Variants in CHST6 observed in about 807,000 individuals in gnomAD.
The protein encoded by CHST6 is carbohydrate sulfotransferase 6.
For synonymous variants in CHST6, 309 were observed against 276.4 expected (o/e 1.12, Z -1.17); for missense variants, 698 against 586.2 (o/e 1.19, Z -1.97).
chr16:75,481,725 G>T (rs1317930392), intron 2 of CHST6, 92 bp downstream of exon 2: 3 of 430,146 alleles, frequency 7.0e-6, no homozygotes, highest in Non-Finnish European at 9.6e-6. Flanking sequence ...CTGTGGGTTT[G>T]CAAGGAGACC....
chr16:75,479,919 A>AG, intron 2 of CHST6, 75 bp from the exon 3 acceptor site: 4 of 1,309,956 alleles, frequency 3.1e-6, no homozygotes, highest in Non-Finnish European at 4.2e-6. Flanking sequence ...CAGTGCCCGC[A>AG]GGGGGCAGAT....
intron 2 of CHST6, among the ~76,000 whole-genome samples, chr16:75,480,629 T>C (rs2080130294): frequency 6.6e-6 from 1 of 152,014 alleles, no homozygotes; most frequent in Non-Finnish European, 1.5e-5. Flanking sequence ...CTTTTCTTAT[T>C]GAAAATAAGC....
Position 75,479,766 on chromosome 16 carries a change from G to A in CHST6, c.63C>T (p.Leu21=), listed in dbSNP as rs1363023147. ...CTGGCCGGGAAACCAGAAAGAGGAGGAGGAAGGTCTGCGCCAGGAGGAGCG... is the reference window on the plus strand; with the variant it reads ...CTGGCCGGGAAACCAGAAAGAGGAGAAGGAAGGTCTGCGCCAGGAGGAGCG... ...VTALLLAQTF[L]LLFLVSRPGP... Residue 21 remains leucine (L), a synonymous_variant, in exon 3 of 3, where the codon CTC becomes CTT. Coordinates refer to ENST00000332272, the MANE Select transcript of CHST6 (RefSeq NM_021615.5). 1.1e-5 allele frequency: 17 copies of A among 1,599,586 alleles called. No individual in the cohort carries two copies. Among genetic ancestry groups the A allele is most frequent in the Non-Finnish European group, 1.4e-5 (17 of 1,174,072 alleles).
intron 1 of CHST6, among the ~76,000 whole-genome samples, chr16:75,487,750 G>T (rs1270575570): frequency 6.9e-6 from 1 of 145,582 alleles, no homozygotes; most frequent in Non-Finnish European, 1.5e-5. Flanking sequence ...AGTGAGCTGA[G>T]ATCGTGCCAC....
In CHST6 at chr16:75,495,104, G is replaced by C. The variant is rs972929353; in HGVS notation, c.-256C>G. 1 of 152,354 alleles carries C rather than the reference G, an allele frequency of 6.6e-6. No homozygotes were observed. Among genetic ancestry groups the C allele is most frequent in the Non-Finnish European group, 1.5e-5 (1 of 68,150 alleles). 9.4% of individuals were successfully genotyped at this position (152,354 alleles called of 1,614,324 possible). ...CGCAGGGGCTGACTTGCTCCTTAAGGTCCCAAGACTATTAAGCGACACCCG... is the reference window on the plus strand; with the variant it reads ...CGCAGGGGCTGACTTGCTCCTTAAGCTCCCAAGACTATTAAGCGACACCCG... On this transcript the variant is annotated 5_prime_UTR_variant, in exon 1 of 3. Transcript: ENST00000332272.
rs371589416 is a variant in CHST6, at chr16:75,478,715, G to A, written c.1114C>T (p.Leu372Phe). 77 of 1,613,502 alleles carry A rather than the reference G, an allele frequency of 4.8e-5. No individual in the cohort carries two copies. The highest frequency in any genetic ancestry group is 6.7e-5 in the African/African-American group (5 of 74,958). Reference sequence around the variant, plus strand: ...AGGCCTCGTGGCAGCACCAGATCAAGGGCGAGGTTGCGCTGCTCGTCCTCA... The same window carrying A: ...AGGCCTCGTGGCAGCACCAGATCAAAGGCGAGGTTGCGCTGCTCGTCCTCA... The part of the protein sequence containing the change: ...YSEDEQRNLA[L>F]DLVLPRGLNG... The change falls in exon 3 of 3, where the codon CTT becomes TTT. Residue 372 changes from leucine (L) to phenylalanine (F), a missense_variant. By Grantham distance (22) the Leu-to-Phe change is conservative. Transcript: ENST00000332272.
intron 1 of CHST6, among the ~76,000 whole-genome samples, chr16:75,493,793 G>A (rs1467115038): frequency 6.6e-6 from 1 of 152,124 alleles, no homozygotes. Context: ...GCACAGACAG[G>A]GTCCCCACAA....
Position 75,479,612 on chromosome 16 carries a change from C to G in CHST6, c.217G>C (p.Ala73Pro). 6.2e-7 allele frequency: 1 copy of G among 1,612,898 alleles called. No homozygotes were observed. The highest frequency in any genetic ancestry group is 8.5e-7 in the Non-Finnish European group (1 of 1,179,860). ...GACAGGGTGGTCCACACGTGCCACG[C>G]GGGCTCCATTAGGTAGAAGACGTCG... ...HPDVFYLMEP[A>P]WHVWTTLSQG... Residue 73 changes from alanine (A) to proline (P), a missense_variant, in exon 3 of 3, where the codon GCG becomes CCG. Physicochemically the swap from Ala to Pro is conservative, Grantham distance 27. Coordinates refer to ENST00000332272, the MANE Select transcript of CHST6 (RefSeq NM_021615.5).
chr16:75,488,336 G>A (rs1430933095), intron 1 of CHST6, among the ~76,000 whole-genome samples: 1 of 152,024 alleles, frequency 6.6e-6, no homozygotes, highest in East Asian at 1.9e-4. Context: ...GGTGGCAGGT[G>A]CCTATTTGTA....
rs2080103579 is a variant in CHST6 at position 75,479,098 on chromosome 16, TCGCGCACCA to T, written c.722_730del (p.Val241_Arg243del). On this transcript the variant is annotated inframe_deletion, in exon 3 of 3. Coordinates refer to ENST00000332272, the MANE Select transcript of CHST6 (RefSeq NM_021615.5). The stretch of plus-strand genomic sequence containing the variant: ...GATGCGTACGTGGCTACGGCACACC[TCGCGCACCA>T]CGCGCAGGCCGGGGTCGGCCTCCAC... The T allele has an allele frequency of 6.2e-7, 1 of 1,605,056 alleles. No homozygotes were observed. The highest frequency in any genetic ancestry group is 8.5e-7 in the Non-Finnish European group (1 of 1,178,792).
At chr16:75,494,155 G>A (rs763252557) in intron 1 of CHST6, among the ~76,000 whole-genome samples, 8 of 152,144 alleles carry the variant, frequency 5.3e-5, no homozygotes, top group African/African-American at 1.9e-4. Flanking sequence ...TTAGAAGCTT[G>A]GCTTCTGAAG....
chr16:75,491,190 A>AATAT lies in CHST6; in HGVS notation c.-92+3746_-92+3749dup, dbSNP rs1555501738. On this transcript the variant is annotated intron_variant, in intron 1 of 2. Transcript: ENST00000332272. The stretch of plus-strand genomic sequence containing the variant: ...TAAAAAAAAAAAAAAAAAAAAAAAA[A>AATAT]ATATATATATATATATATATATATA... Among the ~76,000 whole-genome samples the AATAT allele has an allele frequency of 7.1e-3, 353 of 49,994 alleles. 3 individuals carry two copies. The highest frequency in any genetic ancestry group is 0.021 in the East Asian group (14 of 664). The allele number at this position is 49,994 out of a possible 152,430, so 32.8% of individuals were successfully genotyped here. A position where few individuals can be genotyped will look rare whatever the true frequency, so the allele number is the denominator to read the frequency against.
intron 1 of CHST6, among the ~76,000 whole-genome samples, chr16:75,490,424 G>A (rs1457909864): frequency 6.6e-6 from 1 of 152,088 alleles, no homozygotes; most frequent in Non-Finnish European, 1.5e-5. Flanking sequence ...GTTGTGGTGA[G>A]CCGAGATCGC....
intron 1 of CHST6, among the ~76,000 whole-genome samples, chr16:75,493,305 T>C (rs2080275821): frequency 6.6e-6 from 1 of 151,954 alleles, no homozygotes; most frequent in Admixed American, 6.6e-5. Flanking sequence ...GGTCAGGAGT[T>C]TGAGACCAGC....
chr16:75,479,029 C>T lies in CHST6; in HGVS notation c.800G>A (p.Arg267His), dbSNP rs1312118035. ...GTCCTCGAAGCGCACCAGGCGGTAGCGGCCGCGCAGAAAGGGTGGCGGCTT... is the reference window on the plus strand; with the variant it reads ...GTCCTCGAAGCGCACCAGGCGGTAGTGGCCGCGCAGAAAGGGTGGCGGCTT... Reference protein sequence around the residue: ...TLKPPPFLRGRYRLVRFEDLA... With the variant: ...TLKPPPFLRGHYRLVRFEDLA... The change falls in exon 3 of 3, where the codon CGC (arginine) becomes CAC (histidine). Residue 267 changes from arginine to histidine, a missense_variant. By Grantham distance (29) the Arg-to-His change is conservative (BLOSUM62 0). Transcript: ENST00000332272. The T allele has an allele frequency of 5.6e-6, 9 of 1,609,796 alleles. No homozygotes were observed. Among genetic ancestry groups the T allele is most frequent in the African/African-American group, 1.3e-5 (1 of 74,932 alleles).
At position 75,474,281 on chromosome 16, in the gene CHST6, T is replaced by C. The variant is rs1451487566; in HGVS notation, c.*4360A>G. On this transcript the variant is annotated 3_prime_UTR_variant, in exon 3 of 3. Transcript: ENST00000332272. ...TGCTATAACAATACCACAGATGGGG[T>C]CATTTATTTAGAGATAGGTGTCTTG... is the stretch of plus-strand genomic sequence containing the variant. 2.8e-5 allele frequency: 8 copies of C among 286,494 alleles called. No homozygotes were observed. The highest frequency in any genetic ancestry group is 4.5e-5 in the Non-Finnish European group (7 of 155,676). The allele number at this position is 286,494 out of a possible 1,614,324, so 17.7% of individuals were successfully genotyped here.
intron 1 of CHST6, among the ~76,000 whole-genome samples, chr16:75,489,251 T>C (rs2080232295): frequency 6.6e-6 from 1 of 151,386 alleles, no homozygotes; most frequent in South Asian, 2.1e-4. Flanking sequence ...ATACAAAAAT[T>C]AGCTAGGCGT....
At position 75,479,025 on chromosome 16, in the gene CHST6, G is replaced by A; in HGVS notation, c.804C>T (p.Tyr268=). 1.9e-6 allele frequency: 3 copies of A among 1,610,392 alleles called. No individual in the cohort carries two copies. The highest frequency in any genetic ancestry group is 2.5e-6 in the Non-Finnish European group (3 of 1,179,836). ...LKPPPFLRGR[Y]RLVRFEDLAR... ...CCAGGTCCTCGAAGCGCACCAGGCG[G>A]TAGCGGCCGCGCAGAAAGGGTGGCG... Residue 268 remains tyrosine (Y), a synonymous_variant, in exon 3 of 3, where the codon TAC becomes TAT. Coordinates refer to ENST00000332272, the MANE Select transcript of CHST6 (RefSeq NM_021615.5).
In CHST6 at chr16:75,478,521, G is replaced by T. The variant is rs1488978824; in HGVS notation, c.*120C>A. 5.2e-6 allele frequency: 5 copies of T among 969,584 alleles called. No individual in the cohort carries two copies. Among genetic ancestry groups the T allele is most frequent in the Non-Finnish European group, 8.2e-6 (5 of 609,836 alleles). The allele number at this position is 969,584 out of a possible 1,614,324, so 60.1% of individuals were successfully genotyped here. A position where few individuals can be genotyped will look rare whatever the true frequency, so the allele number is the denominator to read the frequency against. On this transcript the variant is annotated 3_prime_UTR_variant, in exon 3 of 3. Transcript: ENST00000332272. ...CAGTCCTTGCCTACTTGGGGAGGGG[G>T]AGGGGTCGTACCACAAACTCCTTGG...
Sources: allele counts gnomAD v4.1 joint callset (sites outside exome capture counted in the v4.1 genomes callset), GRCh38; gene constraint gnomAD v4.1.1; transcripts MANE v1.5; gene names NCBI Gene and HGNC (gene_info 2026-07-23, HGNC 2026-07-21).